The following MYO1E variants were observed in gnomAD, a reference collection of about 807,000 sequenced individuals.
MYO1E encodes unconventional myosin-Ie.
A neutral mutation model predicts 151.1 loss-of-function variants in MYO1E; 68 were observed. That is an observed-to-expected ratio of 0.45 (90% CI 0.37 to 0.55). The LOEUF (loss-of-function observed/expected upper bound fraction) is 0.55, where lower values mean the gene tolerates loss of function less well. MYO1E is among the 20% of genes least tolerant of loss of function. The pLI is 0.00. For missense variants in MYO1E, 1,363 were observed against 1,389.3 expected (o/e 0.98, Z 0.30); for synonymous variants, 601 against 501.7 (o/e 1.20, Z -2.64).
rs186354145 is a variant in MYO1E, at chr15:59,365,105, G to A, written c.3+7393C>T. Among the ~76,000 whole-genome samples the A allele has an allele frequency of 5.7e-3, 828 of 144,772 alleles. 6 individuals carry two copies. Among genetic ancestry groups the A allele is most frequent in the African/African-American group, 0.02 (775 of 39,042 alleles). 95.0% of individuals were successfully genotyped at this position (144,772 alleles called of 152,430 possible). On this transcript the variant is annotated intron_variant, in intron 1 of 27. Transcript: ENST00000288235. ...TGTGATCTCGGCTCACTGCAACCTC[G>A]GCCTCCCAGGTTCAAGCAGTTCTCC... is the stretch of plus-strand genomic sequence containing the variant.
intron 26 of MYO1E, among the ~76,000 whole-genome samples, chr15:59,152,487 G>A (rs1410701665): frequency 6.6e-6 from 1 of 152,114 alleles, no homozygotes; most frequent in Non-Finnish European, 1.5e-5. Context: ...ATGGAGAGTC[G>A]TGCAGAGCTG....
At chr15:59,243,776 A>G (rs963801195) in intron 4 of MYO1E, among the ~76,000 whole-genome samples, 8 of 151,820 alleles carry the variant, frequency 5.3e-5, no homozygotes, top group African/African-American at 1.9e-4. Context: ...AGTTGGAACT[A>G]ACAAATAATA....
In MYO1E at chr15:59,306,477, C is replaced by T. The variant is rs563858201; in HGVS notation, c.4-34028G>A. 1.4e-4 allele frequency among the ~76,000 whole-genome samples: 21 copies of T among 152,298 alleles called. No individual in the cohort carries two copies. The South Asian group carries it at 4.1e-3, about 30-fold the overall frequency. ...ATGTAATCATATTTTAACATTTCTC[C>T]TTCATTCACTCACTCCTCATCCTCG... On this transcript the variant is annotated intron_variant, in intron 1 of 27. Coordinates refer to ENST00000288235, the MANE Select transcript of MYO1E (RefSeq NM_004998.4).
In MYO1E at chr15:59,276,513, C is replaced by T. The variant is rs565265922; in HGVS notation, c.4-4064G>A. Among the ~76,000 whole-genome samples, 68 of 152,254 alleles carry T rather than the reference C, an allele frequency of 4.5e-4. No homozygotes were observed. In the South Asian group the frequency reaches 0.011, roughly 26 times the overall value. ...CCCTGACACTTCCTACAAATTATGACGGAGAAATTTCCATTAGATAGAGAT... is the reference window on the plus strand; with the variant it reads ...CCCTGACACTTCCTACAAATTATGATGGAGAAATTTCCATTAGATAGAGAT... On this transcript the variant is annotated intron_variant, in intron 1 of 27. Transcript: ENST00000288235.
intron 3 of MYO1E, among the ~76,000 whole-genome samples, chr15:59,257,484 T>C (rs979290101): frequency 4.2e-4 from 64 of 152,018 alleles, no homozygotes; most frequent in African/African-American, 1.4e-3. Flanking sequence ...GGAAAGCAAT[T>C]TGAAAAGACA....
intron 1 of MYO1E, among the ~76,000 whole-genome samples, chr15:59,308,642 A>G (rs575486021): frequency 6.8e-6 from 1 of 147,712 alleles, no homozygotes; most frequent in African/African-American, 2.5e-5. Context: ...ACTGCTCTCC[A>G]GCCTGGGTGA....
chr15:59,179,869 A>G (rs1378755628), intron 18 of MYO1E, among the ~76,000 whole-genome samples: 2 of 152,260 alleles, frequency 1.3e-5, no homozygotes, highest in African/African-American at 4.8e-5. Context: ...CATCATGGGT[A>G]TGTGTGGGTG....
At chr15:59,335,590 C>T (rs955455724) in intron 1 of MYO1E, among the ~76,000 whole-genome samples, 3 of 152,138 alleles carry the variant, frequency 2.0e-5, no homozygotes, top group Admixed American at 6.5e-5. Context: ...ACAAGAGACC[C>T]GGCCAGGCTT....
intron 6 of MYO1E, among the ~76,000 whole-genome samples, chr15:59,228,167 A>G (rs2080003351): frequency 6.6e-6 from 1 of 152,210 alleles, no homozygotes; most frequent in Non-Finnish European, 1.5e-5. Flanking sequence ...ACTGTAGTTG[A>G]AAAGGTATCT....
chr15:59,372,415 G>A, intron 1 of MYO1E, 83 bp downstream of exon 1: 2 of 1,509,148 alleles, frequency 1.3e-6, no homozygotes, highest in Non-Finnish European at 1.8e-6. Context: ...CCCCGGCAGC[G>A]CGCCCAAGGT....
intron 5 of MYO1E, among the ~76,000 whole-genome samples, chr15:59,234,212 TGATGGATG>T (rs534252194): frequency 2.7e-5 from 4 of 149,156 alleles, no homozygotes; most frequent in African/African-American, 1.0e-4. Flanking sequence ...CACTGATCAC[TGATGGATG>T]GATGGATGGA....
chr15:59,352,283 C>T (rs2080827615), intron 1 of MYO1E, among the ~76,000 whole-genome samples: 1 of 152,166 alleles, frequency 6.6e-6, no homozygotes, highest in Non-Finnish European at 1.5e-5. Context: ...GGATATTTGG[C>T]ACGTCCCTAA....
chr15:59,170,024 G>T (rs2079582948), intron 22 of MYO1E, among the ~76,000 whole-genome samples: 1 of 152,118 alleles, frequency 6.6e-6, no homozygotes. Context: ...AGCCAGGGGT[G>T]GTGGCTCAGG....
At chr15:59,293,407 G>T (rs999526833) in intron 1 of MYO1E, among the ~76,000 whole-genome samples, 1 of 151,834 alleles carries the variant, frequency 6.6e-6, no homozygotes, top group Admixed American at 6.6e-5. Context: ...TTAGCCAGGC[G>T]TGGTGGCAGG....
chr15:59,151,105 C>T (rs141500813), intron 26 of MYO1E, among the ~76,000 whole-genome samples: 1 of 152,062 alleles, frequency 6.6e-6, no homozygotes, highest in East Asian at 1.9e-4. Flanking sequence ...GGCATCCACT[C>T]TACTGATGGC....
chr15:59,225,335 C>T (rs2079983139), intron 7 of MYO1E, among the ~76,000 whole-genome samples: 1 of 152,214 alleles, frequency 6.6e-6, no homozygotes, highest in Non-Finnish European at 1.5e-5. Context: ...TCTGGCGGAA[C>T]CCTTGCATGG....
chr15:59,261,394 A>C (rs757725751), intron 3 of MYO1E, 26 bp downstream of exon 3: 4 of 1,501,494 alleles, frequency 2.7e-6, no homozygotes, highest in Non-Finnish European at 2.8e-6. Context: ...TAAATAAGGC[A>C]GTAATTTATG....
intron 1 of MYO1E, among the ~76,000 whole-genome samples, chr15:59,302,019 C>A (rs1217731900): frequency 6.6e-6 from 1 of 152,138 alleles, no homozygotes; most frequent in Non-Finnish European, 1.5e-5. Context: ...AGAACACCTA[C>A]GTAAAGGTAG....
rs1257535235 is a variant in MYO1E, at chr15:59,272,240, G to C, written c.147+66C>G. 3 of 1,580,262 alleles carry C rather than the reference G, an allele frequency of 1.9e-6. No individual in the cohort carries two copies. In the African/African-American group the frequency reaches 4.0e-5, roughly 21 times the overall value. Reference sequence around the variant, plus strand: ...CGTGAGCCACTGCACCCAGCATAAAGCCACAATTTAACTGTGGACACTGTA... The same window carrying C: ...CGTGAGCCACTGCACCCAGCATAAACCCACAATTTAACTGTGGACACTGTA... On this transcript the variant is annotated intron_variant, in intron 2 of 27. Coordinates refer to ENST00000288235, the MANE Select transcript of MYO1E (RefSeq NM_004998.4).
Sources: allele counts gnomAD v4.1 joint callset (sites outside exome capture counted in the v4.1 genomes callset), GRCh38; gene constraint gnomAD v4.1.1; transcripts MANE v1.5; gene names NCBI Gene and HGNC (gene_info 2026-07-23, HGNC 2026-07-21).